The following REELD1 variants were observed in gnomAD, a reference collection of about 807,000 sequenced individuals.
REELD1 encodes the protein reelin domain-containing protein 1.
REELD1 carries 12 observed loss-of-function variants against 6.3 expected under a neutral mutation model. The ratio of observed to expected loss-of-function variants is 1.89; its 90% CI spans 1.21 to 3.07. The LOEUF (loss-of-function observed/expected upper bound fraction) is 3.07. Among genes scored for constraint, REELD1 ranks in the 30% most tolerant of loss-of-function variants. The probability of loss-of-function intolerance (pLI) is 0.00; values close to 1 mark genes in which losing one functional copy is unlikely to be tolerated. For missense variants in REELD1, 163 were observed against 86.8 expected (o/e 1.88, Z -3.49); for synonymous variants, 57 against 33.6 (o/e 1.70, Z -2.42).
rs531044648 is a variant in REELD1 at position 146,222,557 on chromosome 4, C to G, written c.409C>G (p.Pro137Ala). ...LSFVWKAPAQPVGDIKFLLSV... is the reference protein window; with the variant it reads ...LSFVWKAPAQAVGDIKFLLSV... ...ATTCGTGTGGAAGGCCCCAGCCCAG[C>G]CTGTGGGGGACATTAAGTTCCTGTA... is the stretch of plus-strand genomic sequence containing the variant. The change falls in exon 4 of 8, where the codon CCT (proline) becomes GCT (alanine). Residue 137 changes from proline to alanine, a missense_variant. Pro to Ala is a conservative substitution (Grantham distance 27). Transcript: ENST00000623665. 4 of 398,650 alleles carry G rather than the reference C, an allele frequency of 1.0e-5. No homozygotes were observed. The South Asian group carries it at 3.8e-4, about 38-fold the overall frequency. 24.7% of individuals were successfully genotyped at this position (398,650 alleles called of 1,614,324 possible).
At chr4:146,229,653 C>G (rs911364594) in intron 7 of REELD1, among the ~76,000 whole-genome samples, 1 of 152,038 alleles carries the variant, frequency 6.6e-6, no homozygotes, top group East Asian at 1.9e-4. Context: ...CTTAAAGGAC[C>G]CTAAGCTTAT....
At position 146,222,349 on chromosome 4, in the gene REELD1, T is replaced by G. The variant is rs1309267432; in HGVS notation, c.209-8T>G. 1.3e-5 allele frequency: 5 copies of G among 398,532 alleles called. No homozygotes were observed. The highest frequency in any genetic ancestry group is 1.0e-4 in the African/African-American group (5 of 48,636). The allele number at this position is 398,532 out of a possible 1,614,324, so 24.7% of individuals were successfully genotyped here. A position where few individuals can be genotyped will look rare whatever the true frequency, so the allele number is the denominator to read the frequency against. On this transcript the variant is annotated splice_region_variant and splice_polypyrimidine_tract_variant and intron_variant, in intron 3 of 7. Transcript: ENST00000623665. ...CGTGTTCATGTTGAACGGGTGTTTT[T>G]GTTGCAGTGACAGTGAGAAGCAGTC...
At position 146,229,447 on chromosome 4, in the gene REELD1, T is replaced by C. The variant is rs575645600; in HGVS notation, c.972+359T>C. On this transcript the variant is annotated intron_variant, in intron 7 of 7. Transcript: ENST00000623665. Reference sequence around the variant, plus strand: ...GTCAATATAAAATATAAATGCCCACTGATTTACTATTCCTTTGAAGTCTTA... The same window carrying C: ...GTCAATATAAAATATAAATGCCCACCGATTTACTATTCCTTTGAAGTCTTA... Among the ~76,000 whole-genome samples the C allele has an allele frequency of 1.8e-3, 272 of 152,344 alleles. 3 individuals carry two copies. The highest frequency in any genetic ancestry group is 0.014 in the Middle Eastern group (4 of 294).
intron 5 of REELD1, among the ~76,000 whole-genome samples, chr4:146,224,909 C>A (rs973599194): frequency 3.9e-5 from 6 of 152,212 alleles, no homozygotes; most frequent in African/African-American, 1.4e-4. Flanking sequence ...ACAGCATACA[C>A]CTCTTCCCCC....
intron 5 of REELD1, among the ~76,000 whole-genome samples, chr4:146,224,928 C>A (rs1489126609): frequency 6.6e-6 from 1 of 152,202 alleles, no homozygotes; most frequent in Non-Finnish European, 1.5e-5. Flanking sequence ...CCAACATTTA[C>A]TAGTCCTCAC....
Position 146,228,485 on chromosome 4 carries a change from T to G in REELD1, c.871T>G (p.Ser291Ala). The change falls in exon 6 of 8, where the codon TCA (serine) becomes GCA (alanine). Residue 291 changes from serine to alanine, a missense_variant. Transcript: ENST00000623665. The part of the protein sequence containing the change: ...ERLVALKRVS[S>A]ESFASSLSTH... ...GCTCGTGGCCCTCAAGAGAGTCTCC[T>G]CAGAGAGCTTTGCTTCCAGCCTTAG... The G allele has an allele frequency of 1.4e-6, 1 of 702,412 alleles. No individual in the cohort carries two copies. Among genetic ancestry groups the G allele is most frequent in the Non-Finnish European group, 2.6e-6 (1 of 384,966 alleles). 43.5% of individuals were successfully genotyped at this position (702,412 alleles called of 1,614,324 possible). A position where few individuals can be genotyped will look rare whatever the true frequency, so the allele number is the denominator to read the frequency against.
At chr4:146,229,723 A>G (rs929598359) in intron 7 of REELD1, among the ~76,000 whole-genome samples, 182 bp from the exon 8 acceptor site, 10 of 152,128 alleles carry the variant, frequency 6.6e-5, no homozygotes, top group African/African-American at 2.2e-4. Flanking sequence ...ATCCCCATCA[A>G]TAACAAGTGC....
intron 3 of REELD1, among the ~76,000 whole-genome samples, chr4:146,219,687 C>CA (rs1331581175): frequency 6.6e-6 from 1 of 152,128 alleles, no homozygotes; most frequent in Non-Finnish European, 1.5e-5. Flanking sequence ...AGAATACTAT[C>CA]AAAAGGTAGA....
At chr4:146,218,892 T>C (rs1730871894) in intron 3 of REELD1, among the ~76,000 whole-genome samples, 1 of 151,850 alleles carries the variant, frequency 6.6e-6, no homozygotes, top group Non-Finnish European at 1.5e-5. Flanking sequence ...CTCATGCCTG[T>C]AATCCCAGCA....
At chr4:146,227,074 T>C (rs1447483010) in intron 5 of REELD1, among the ~76,000 whole-genome samples, 1 of 152,216 alleles carries the variant, frequency 6.6e-6, no homozygotes, top group African/African-American at 2.4e-5. Flanking sequence ...GCCTCTTTAT[T>C]AATTTAGGTA....
chr4:146,225,422 A>G (rs890665581), intron 5 of REELD1, among the ~76,000 whole-genome samples: 2 of 152,184 alleles, frequency 1.3e-5, no homozygotes, highest in African/African-American at 4.8e-5. Context: ...TAAGGCCAGA[A>G]TCCAATCAGA....
chr4:146,229,201 A>AACAATATACACAC, intron 7 of REELD1, 113 bp downstream of exon 7: 1 of 644,176 alleles, frequency 1.6e-6, no homozygotes, highest in Non-Finnish European at 2.8e-6. Flanking sequence ...TAGAGAGAAG[A>AACAATATACACAC]AGGCAAAGTA....
At chr4:146,226,133 A>G (rs1484996694) in intron 5 of REELD1, among the ~76,000 whole-genome samples, 1 of 152,236 alleles carries the variant, frequency 6.6e-6, no homozygotes, top group Non-Finnish European at 1.5e-5. Flanking sequence ...AGTATAAATT[A>G]TAAATTTTCA....
At chr4:146,222,759 A>G (rs1160415809) in intron 4 of REELD1, among the ~76,000 whole-genome samples, 180 bp downstream of exon 4, 1 of 152,184 alleles carries the variant, frequency 6.6e-6, no homozygotes, top group African/African-American at 2.4e-5. Context: ...ACTAAAAAAA[A>G]TATTGCCCCC....
At position 146,228,955 on chromosome 4, in the gene REELD1, TG is replaced by T. The variant is rs990786216; in HGVS notation, c.909-68del. On this transcript the variant is annotated intron_variant, in intron 6 of 7. Coordinates refer to ENST00000623665, the MANE Select transcript of REELD1 (RefSeq NM_001354631.1). ...CTGTTGCCATCTGCATACACAACTG[TG>T]GTAGGAAACATTGCTTTTTGGTCCA... is the stretch of plus-strand genomic sequence containing the variant. The T allele has an allele frequency of 4.3e-6, 3 of 701,014 alleles. No individual in the cohort carries two copies. The African/African-American group carries it at 5.2e-5, about 12-fold the overall frequency. 43.4% of individuals were successfully genotyped at this position (701,014 alleles called of 1,614,324 possible).
In REELD1 at chr4:146,222,341, G is replaced by A. The variant is rs1270025152; in HGVS notation, c.209-16G>A. The A allele has an allele frequency of 2.5e-6, 1 of 398,458 alleles. No individual in the cohort carries two copies. The highest frequency in any genetic ancestry group is 2.1e-5 in the African/African-American group (1 of 48,606). The allele number at this position is 398,458 out of a possible 1,614,324, so 24.7% of individuals were successfully genotyped here. A position where few individuals can be genotyped will look rare whatever the true frequency, so the allele number is the denominator to read the frequency against. On this transcript the variant is annotated splice_polypyrimidine_tract_variant and intron_variant, in intron 3 of 7. Transcript: ENST00000623665. ...AAGTCACACGTGTTCATGTTGAACGGGTGTTTTTGTTGCAGTGACAGTGAG... is the reference window on the plus strand; with the variant it reads ...AAGTCACACGTGTTCATGTTGAACGAGTGTTTTTGTTGCAGTGACAGTGAG...
rs956301964 is a variant in REELD1, at chr4:146,222,803, G to C, written c.431+224G>C. Among the ~76,000 whole-genome samples, 6 of 152,176 alleles carry C rather than the reference G, an allele frequency of 3.9e-5. No individual in the cohort carries two copies. The South Asian group carries it at 1.2e-3, about 32-fold the overall frequency. On this transcript the variant is annotated intron_variant, in intron 4 of 7. Coordinates refer to ENST00000623665, the MANE Select transcript of REELD1 (RefSeq NM_001354631.1). ...CCCTTCATCACTGTCCATGGGCCTA[G>C]AGTGTGTTATCTCCCTGCCTCCCCA...
At chr4:146,223,177 ATTTTTCTCTTTC>A (rs1226673052) in intron 4 of REELD1, among the ~76,000 whole-genome samples, 4 of 152,262 alleles carry the variant, frequency 2.6e-5, no homozygotes, top group Non-Finnish European at 5.9e-5. Context: ...AAGAAAGATA[ATTTTTCTCTTTC>A]GGGAAAGGGT....
chr4:146,224,967 T>C (rs72948614), intron 5 of REELD1, among the ~76,000 whole-genome samples: 3,775 of 152,258 alleles, frequency 0.025, 168 homozygotes, highest in African/African-American at 0.087. Context: ...CTTAGTCCCC[T>C]GAAGCTACGC....
Sources: allele counts gnomAD v4.1 joint callset (sites outside exome capture counted in the v4.1 genomes callset), GRCh38; gene constraint gnomAD v4.1.1; transcripts MANE v1.5; gene names NCBI Gene and HGNC (gene_info 2026-07-23, HGNC 2026-07-21).